Variants in DNAH17 observed in about 807,000 individuals in gnomAD.
DNAH17 encodes dynein axonemal heavy chain 17.
Under a neutral mutation model 485.6 loss-of-function variants are expected in DNAH17, and 376 were observed. The ratio of observed to expected loss-of-function variants is 0.77; its 90% CI spans 0.71 to 0.84. The LOEUF is 0.84. DNAH17 is among the 40% of genes least tolerant of loss of function. The pLI is 0.00. For missense variants in DNAH17, 6,370 were observed against 5,839.3 expected, an observed-to-expected ratio of 1.09 and a Z score of -2.96; for synonymous variants, 3,031 against 2,405.9, an observed-to-expected ratio of 1.26 and a Z score of -7.60.
At chr17:78,445,534 C>T (rs775892861) in intron 70 of DNAH17, 24 bp downstream of exon 70, 11 of 1,556,610 alleles carry the variant, frequency 7.1e-6, no homozygotes, top group African/African-American at 2.7e-5. Context: ...GAAAGCACAA[C>T]GTGTTCAACG....
At chr17:78,571,913 G>A (rs1367284984) in intron 3 of DNAH17, 131 bp from the exon 4 acceptor site, 15 of 840,630 alleles carry the variant, frequency 1.8e-5, no homozygotes, top group African/African-American at 6.9e-5. Context: ...TCATGTCCCT[G>A]GTGCCTCCAG....
At chr17:78,477,229 G>A (rs534256151) in intron 51 of DNAH17, among the ~76,000 whole-genome samples, 27 of 152,294 alleles carry the variant, frequency 1.8e-4, no homozygotes, top group South Asian at 4.1e-4. Flanking sequence ...ACATGCTAGC[G>A]GGGGAGGTGG....
At position 78,490,696 on chromosome 17, in the gene DNAH17, C is replaced by T. The variant is rs2089811321; in HGVS notation, c.6818+3G>A. On this transcript the variant is annotated splice_donor_region_variant and intron_variant, in intron 44 of 80. Coordinates refer to ENST00000389840, the MANE Select transcript of DNAH17 (RefSeq NM_173628.4). ...GGAACAGGAAAGCCAAAGCCCCACT[C>T]ACGGGTTCCATCCCAGGTCGGCTGG... is the stretch of plus-strand genomic sequence containing the variant. 6.2e-7 allele frequency: 1 copy of T among 1,605,124 alleles called. No individual in the cohort carries two copies. Among genetic ancestry groups the T allele is most frequent in the Non-Finnish European group, 8.5e-7 (1 of 1,175,130 alleles).
intron 43 of DNAH17, 40 bp from the exon 44 acceptor site, chr17:78,490,887 A>C (rs1419017225): frequency 3.9e-6 from 6 of 1,543,956 alleles, no homozygotes; most frequent in Non-Finnish European, 5.3e-6. Context: ...CTAAGGCGAC[A>C]CCTGCCATCC....
At chr17:78,558,568 G>C (rs1032097510) in intron 13 of DNAH17, among the ~76,000 whole-genome samples, 1 of 127,406 alleles carries the variant, frequency 7.8e-6, no homozygotes, top group Admixed American at 8.1e-5. Context: ...TGACATCATT[G>C]TCATCACCAC....
intron 44 of DNAH17, 125 bp from the exon 45 acceptor site, chr17:78,486,631 C>T: frequency 8.1e-7 from 1 of 1,234,192 alleles, no homozygotes; most frequent in Non-Finnish European, 1.1e-6. Flanking sequence ...GGTCACCATG[C>T]CTGCATGGCA....
rs762379277 is a variant in DNAH17, at chr17:78,459,836, G to C, written c.9601C>G (p.Leu3201Val). The part of the protein sequence containing the change: ...MGKVDTFLDS[L>V]KKFDKEHIPE... ...ATGTGCTCCTTGTCGAACTTCTTCAGGGAGTCTAGGAAGGTGTCCACCTTG... is the reference window on the plus strand; with the variant it reads ...ATGTGCTCCTTGTCGAACTTCTTCACGGAGTCTAGGAAGGTGTCCACCTTG... Residue 3201 changes from leucine (L) to valine (V), a missense_variant, in exon 60 of 81, where the codon CTG becomes GTG. Transcript: ENST00000389840. 6.2e-7 allele frequency: 1 copy of C among 1,613,896 alleles called. No homozygotes were observed. The highest frequency in any genetic ancestry group is 1.3e-5 in the African/African-American group (1 of 74,936).
chr17:78,507,591 G>A lies in DNAH17; in HGVS notation c.4451C>T (p.Ser1484Phe). 1.9e-6 allele frequency: 3 copies of A among 1,614,154 alleles called. No homozygotes were observed. Among genetic ancestry groups the A allele is most frequent in the Non-Finnish European group, 1.7e-6 (2 of 1,180,000 alleles). ...GACCTCAAACCAGATGGAGATGACGGAGTCCGCCGTGGACAGCTTCTGCTG... is the reference window on the plus strand; with the variant it reads ...GACCTCAAACCAGATGGAGATGACGAAGTCCGCCGTGGACAGCTTCTGCTG... ...SWQQKLSTAD[S>F]VISIWFEVQR... The change falls in exon 28 of 81, where the codon TCC (serine) becomes TTC (phenylalanine). Residue 1484 changes from serine to phenylalanine, a missense_variant. Coordinates refer to ENST00000389840, the MANE Select transcript of DNAH17 (RefSeq NM_173628.4).
chr17:78,431,947 G>T (rs576402430), intron 75 of DNAH17, among the ~76,000 whole-genome samples: 1 of 152,040 alleles, frequency 6.6e-6, no homozygotes, highest in South Asian at 2.1e-4. Flanking sequence ...CGAGGTGGGC[G>T]GATGACTTGA....
chr17:78,445,644 G>T lies in DNAH17; in HGVS notation c.11248C>A (p.Leu3750Met). 6.3e-7 allele frequency: 1 copy of T among 1,575,354 alleles called. No individual in the cohort carries two copies. Among genetic ancestry groups the T allele is most frequent in the Non-Finnish European group, 8.6e-7 (1 of 1,160,540 alleles). The stretch of plus-strand genomic sequence containing the variant: ...AAAGGGAACCGCAGGAGGAAATCCA[G>T]CTCCACTGGGTTCAGCTCCTTCTTC... ...SMKKELNPVE[L>M]DFLLRFPFKA... Residue 3750 changes from leucine (L) to methionine (M), a missense_variant, in exon 70 of 81, where the codon CTG becomes ATG. Physicochemically the swap from Leu to Met is conservative, Grantham distance 15. Coordinates refer to ENST00000389840, the MANE Select transcript of DNAH17 (RefSeq NM_173628.4).
intron 24 of DNAH17, 25 bp downstream of exon 24, chr17:78,526,624 CCT>C (rs766743935): frequency 1.1e-5 from 17 of 1,562,608 alleles, no homozygotes; most frequent in Non-Finnish European, 1.3e-5. Flanking sequence ...AGACTTACCC[CCT>C]GATCTCACCC....
At chr17:78,427,220 G>T in intron 77 of DNAH17, 112 bp from the exon 78 acceptor site, 1 of 1,098,106 alleles carries the variant, frequency 9.1e-7, no homozygotes, top group Non-Finnish European at 1.3e-6. Flanking sequence ...GGAGAGGAGG[G>T]AAGAGGCAAG....
At chr17:78,521,909 C>T (rs1178416067) in intron 25 of DNAH17, among the ~76,000 whole-genome samples, 1 of 152,100 alleles carries the variant, frequency 6.6e-6, no homozygotes, top group Non-Finnish European at 1.5e-5. Flanking sequence ...ATCCTTGAAC[C>T]CAGGAGACAG....
At chr17:78,460,397 TGA>T (rs755902892) in intron 58 of DNAH17, 140 bp from the exon 59 acceptor site, 13 of 701,428 alleles carry the variant, frequency 1.9e-5, no homozygotes, top group Non-Finnish European at 2.9e-5. Context: ...TATATGTGCA[TGA>T]GTGTATGTGT....
intron 31 of DNAH17, among the ~76,000 whole-genome samples, chr17:78,504,559 G>T (rs776800469): frequency 6.6e-6 from 1 of 150,530 alleles, no homozygotes; most frequent in Non-Finnish European, 1.5e-5. Flanking sequence ...GTTTTCTCGA[G>T]ATTTTTTTTT....
In DNAH17 at chr17:78,492,688, G is replaced by A; in HGVS notation, c.6486C>T (p.Val2162=). 6.2e-7 allele frequency: 1 copy of A among 1,613,618 alleles called. No individual in the cohort carries two copies. Among genetic ancestry groups the A allele is most frequent in the South Asian group, 1.1e-5 (1 of 91,010 alleles). The change falls in exon 42 of 81, where the codon GTC becomes GTT. Residue 2162 remains valine, a synonymous_variant. Coordinates refer to ENST00000389840, the MANE Select transcript of DNAH17 (RefSeq NM_173628.4). ...TGATGCCAAAGAGCTCGTCGCAGGT[G>A]ACGGCCTTGGGGTCCAGGTCCACGG... ...PVAVDLDPKA[V]TCDELFGIIN...
chr17:78,463,533 C>T (rs192432623), intron 56 of DNAH17, among the ~76,000 whole-genome samples: 27 of 152,262 alleles, frequency 1.8e-4, no homozygotes, highest in African/African-American at 6.5e-4. Flanking sequence ...CATATGTACA[C>T]GTGCACATGC....
At chr17:78,485,264 C>T (rs565114003) in intron 47 of DNAH17, 1 of 641,524 alleles carries the variant, frequency 1.6e-6, no homozygotes, top group South Asian at 2.0e-5. Flanking sequence ...CTCTCCGTCA[C>T]CTTTGGGTCG....
rs994591909 is a variant in DNAH17, at chr17:78,449,777, T to C, written c.11041-193A>G. On this transcript the variant is annotated intron_variant, in intron 68 of 80. Transcript: ENST00000389840. ...ACTGCACCCTCTGCAGTGAGGGAGG[T>C]TGCAGTGTTCAAGCGATTCTCCTGC... 2.1e-4 allele frequency: 120 copies of C among 576,450 alleles called. 3 individuals carry two copies. The South Asian group carries it at 2.5e-3, about 12-fold the overall frequency. 35.7% of individuals were successfully genotyped at this position (576,450 alleles called of 1,614,324 possible). A position where few individuals can be genotyped will look rare whatever the true frequency, so the allele number is the denominator to read the frequency against.
Sources: gnomAD v4.1 joint callset for allele counts (sites outside exome capture counted in the v4.1 genomes callset) on GRCh38, gnomAD v4.1.1 for gene constraint, MANE v1.5 for transcripts, NCBI Gene and HGNC (gene_info 2026-07-23, HGNC 2026-07-21) for gene names.